The following DLC1 variants were observed in gnomAD, a reference collection of about 807,000 sequenced individuals.
The protein encoded by DLC1 is rho GTPase-activating protein 7.
A neutral mutation model predicts 140.3 loss-of-function variants in DLC1; 54 were observed. The ratio of observed to expected loss-of-function variants is 0.38; its 90% CI spans 0.31 to 0.48. The LOEUF (loss-of-function observed/expected upper bound fraction) is 0.48, where lower values mean the gene tolerates loss of function less well. Among genes scored for constraint, DLC1 ranks in the 20% least tolerant of loss-of-function variants. DLC1 has a pLI of 0.96. For synonymous variants in DLC1, 986 were observed against 728.1 expected, an observed-to-expected ratio of 1.35 and a Z score of -5.70; for missense variants, 2,536 against 1,907.0, an observed-to-expected ratio of 1.33 and a Z score of -6.14.
intron 5 of DLC1, among the ~76,000 whole-genome samples, chr8:13,125,191 G>A (rs909705606): frequency 6.6e-6 from 1 of 152,142 alleles, no homozygotes; most frequent in African/African-American, 2.4e-5. Context: ...TGGCCAGGCT[G>A]GTCTCAAACT....
intron 2 of DLC1, among the ~76,000 whole-genome samples, chr8:13,431,060 T>C (rs1203970428): frequency 6.6e-6 from 1 of 152,242 alleles, no homozygotes; most frequent in Non-Finnish European, 1.5e-5. Context: ...TATTAAGCTA[T>C]GGCATGAGTT....
At chr8:13,321,845 G>C (rs1396165502) in intron 4 of DLC1, among the ~76,000 whole-genome samples, 1 of 152,070 alleles carries the variant, frequency 6.6e-6, no homozygotes, top group African/African-American at 2.4e-5. Context: ...CCAGATGAGA[G>C]AGCTGACCTA....
chr8:13,155,818 T>C (rs58024383), intron 5 of DLC1, among the ~76,000 whole-genome samples: 1,833 of 152,316 alleles, frequency 0.012, 34 homozygotes, highest in African/African-American at 0.041. Flanking sequence ...GTAGTAACTT[T>C]AACTGAATAT....
intron 1 of DLC1, among the ~76,000 whole-genome samples, chr8:13,501,155 T>G (rs547609370): frequency 2.0e-5 from 3 of 152,350 alleles, no homozygotes; most frequent in African/African-American, 7.2e-5. Context: ...CTTCAGAAAC[T>G]TCAGTCTCAT....
intron 1 of DLC1, among the ~76,000 whole-genome samples, chr8:13,542,827 C>T (rs914213746): frequency 4.6e-5 from 7 of 151,940 alleles, no homozygotes; most frequent in African/African-American, 1.7e-4. Context: ...TAATTTGAGA[C>T]ATGGTTAAAT....
intron 2 of DLC1, among the ~76,000 whole-genome samples, chr8:13,443,079 T>C (rs1193546629): frequency 1.3e-5 from 2 of 151,754 alleles, no homozygotes; most frequent in Non-Finnish European, 2.9e-5. Context: ...CTGGAAACCA[T>C]CATTCTCAGC....
At chr8:13,155,134 T>C (rs1585790740) in intron 5 of DLC1, among the ~76,000 whole-genome samples, 1 of 58,736 alleles carries the variant, frequency 1.7e-5, no homozygotes. Flanking sequence ...TTGCGCTGCT[T>C]TTTTTTTTTT....
intron 12 of DLC1, 41 bp from the exon 13 acceptor site, chr8:13,092,866 T>C (rs375981804): frequency 6.3e-7 from 1 of 1,585,836 alleles, no homozygotes; most frequent in African/African-American, 1.3e-5. Context: ...TTGGTGAATT[T>C]GCATGGACAT....
At chr8:13,536,643 AC>A (rs1803296317) in intron 1 of DLC1, among the ~76,000 whole-genome samples, 1 of 152,146 alleles carries the variant, frequency 6.6e-6, no homozygotes, top group Non-Finnish European at 1.5e-5. Context: ...GAACTGAGTT[AC>A]TTTCCCCCTG....
Position 13,094,845 on chromosome 8 carries a change from G to A in DLC1, c.3440C>T (p.Ala1147Val), listed in dbSNP as rs1818372686. 1 of 1,614,160 alleles carries A rather than the reference G, an allele frequency of 6.2e-7. No individual in the cohort carries two copies. The highest frequency in any genetic ancestry group is 8.5e-7 in the Non-Finnish European group (1 of 1,180,034). ...NYEGQSAYDVADMLKQYFRDL... is the reference protein window; with the variant it reads ...NYEGQSAYDVVDMLKQYFRDL... ...TCGAAAATACTGCTTCAGCATGTCT[G>A]CCACGTCATAAGCAGACTGTCCTTC... Residue 1147 changes from alanine to valine, a missense_variant, in exon 12 of 18, where the codon GCA (alanine) becomes GTA (valine). Transcript: ENST00000276297.
At chr8:13,137,411 A>C (rs1175521195) in intron 5 of DLC1, among the ~76,000 whole-genome samples, 1 of 152,180 alleles carries the variant, frequency 6.6e-6, no homozygotes, top group Non-Finnish European at 1.5e-5. Context: ...CAGTGCCAAC[A>C]GCTTAGGGTC....
At chr8:13,566,906 T>C (rs1270473622) in intron 1 of DLC1, 3 of 1,440,532 alleles carry the variant, frequency 2.1e-6, no homozygotes, top group African/African-American at 1.4e-5. Context: ...TTGAGATCCA[T>C]TCCCGGAGGG....
At chr8:13,418,432 A>T (rs1451626715) in intron 2 of DLC1, among the ~76,000 whole-genome samples, 3 of 152,016 alleles carry the variant, frequency 2.0e-5, no homozygotes, top group South Asian at 2.1e-4. Context: ...TTTCTACATA[A>T]GGCTAGCCAG....
At chr8:13,488,259 C>A (rs1004216071) in intron 2 of DLC1, among the ~76,000 whole-genome samples, 4 of 152,166 alleles carry the variant, frequency 2.6e-5, no homozygotes, top group Non-Finnish European at 5.9e-5. Flanking sequence ...ATCATTATTT[C>A]ATAGTTGAAC....
At chr8:13,380,235 A>G (rs1367227215) in intron 4 of DLC1, among the ~76,000 whole-genome samples, 1 of 152,240 alleles carries the variant, frequency 6.6e-6, no homozygotes. Context: ...AGGCAAACTG[A>G]TAAACACTTA....
chr8:13,586,139 C>A (rs1312222310), intron 1 of DLC1, among the ~76,000 whole-genome samples: 5 of 152,080 alleles, frequency 3.3e-5, no homozygotes, highest in East Asian at 1.9e-4. Flanking sequence ...GGATAGAGAT[C>A]TTGGCAGTAT....
At chr8:13,405,199 T>C (rs1237843868) in intron 2 of DLC1, among the ~76,000 whole-genome samples, 1 of 152,132 alleles carries the variant, frequency 6.6e-6, no homozygotes, top group Non-Finnish European at 1.5e-5. Flanking sequence ...TACATGGGTA[T>C]GTTGTGTGAT....
chr8:13,342,163 C>T (rs900713944), intron 4 of DLC1: 7 of 152,142 alleles, frequency 4.6e-5, no homozygotes, highest in African/African-American at 1.7e-4. Flanking sequence ...CTACATTTTC[C>T]TCTGTGTAAT....
At chr8:13,383,701 C>A (rs1251317190) in intron 4 of DLC1, among the ~76,000 whole-genome samples, 1 of 152,156 alleles carries the variant, frequency 6.6e-6, no homozygotes, top group African/African-American at 2.4e-5. Context: ...TCCTTGATTT[C>A]TTTCACTTGC....
Sources: gnomAD v4.1 joint callset for allele counts (sites outside exome capture counted in the v4.1 genomes callset) on GRCh38, gnomAD v4.1.1 for gene constraint, MANE v1.5 for transcripts, NCBI Gene and HGNC (gene_info 2026-07-23, HGNC 2026-07-21) for gene names.